The following OR14A16 variants were observed in gnomAD, a reference collection of about 807,000 sequenced individuals.
OR14A16 encodes olfactory receptor family 14 subfamily A member 16, also known as olfactory receptor 14A16.
For synonymous variants in OR14A16, 135 were observed against 137.6 expected, an observed-to-expected ratio of 0.98 and a Z score of 0.13; for missense variants, 341 against 366.5, an observed-to-expected ratio of 0.93 and a Z score of 0.57.
intron 2 of OR14A16, 64 bp downstream of exon 2, chr1:247,818,999 G>GTTAAAAATAAAAAATTT (rs1221201822): frequency 6.6e-6 from 1 of 150,844 alleles, no homozygotes; most frequent in Non-Finnish European, 1.5e-5. Flanking sequence ...ACCCACAAAA[G>GTTAAAAATAAAAAATTT]TTAAAAATAA....
intron 2 of OR14A16, among the ~76,000 whole-genome samples, chr1:247,817,798 T>G (rs1493258): frequency 0.69 from 105,213 of 151,886 alleles, 37,470 homozygotes; most frequent in East Asian, 1. Flanking sequence ...TAATACACTT[T>G]CAGCTTAGTG....
In OR14A16 at chr1:247,816,280, T is replaced by TA. The variant is rs1398961074; in HGVS notation, c.-15-537dup. ...TATTCTACAAAGTCTTTAACCTACT[T>TA]ACTCTCTAAAAAACTTTGTTTGCAG... is the stretch of plus-strand genomic sequence containing the variant. On this transcript the variant is annotated intron_variant, in intron 2 of 2. Transcript: ENST00000641093. 2.6e-5 allele frequency among the ~76,000 whole-genome samples: 4 copies of TA among 152,222 alleles called. No homozygotes were observed. In the South Asian group the frequency reaches 8.3e-4, roughly 32 times the overall value.
rs972149599 is a variant in OR14A16, at chr1:247,821,687, G to A, written c.-131+2266C>T. ...CTTGAAGGCAAGGTATATTATCTAT[G>A]CACCCACTTTATGTCTTTTGATTGG... On this transcript the variant is annotated intron_variant, in intron 1 of 2. Coordinates refer to ENST00000641093, the MANE Select transcript of OR14A16 (RefSeq NM_001001966.2). Among the ~76,000 whole-genome samples, 6 of 146,034 alleles carry A rather than the reference G, an allele frequency of 4.1e-5. 2 individuals carry two copies. Among genetic ancestry groups the A allele is most frequent in the Non-Finnish European group, 9.2e-5 (6 of 65,002 alleles).
rs2103281408 is a variant in OR14A16 at position 247,815,620 on chromosome 1, A to G, written c.110T>C (p.Leu37Pro). The part of the protein sequence containing the change: ...ILFLLIYLCA[L>P]MGNVLIIMIT... ...CATGATAATGAGGACATTCCCCATC[A>G]GGGCACACAAATAAATCAACAAGAA... The change falls in exon 3 of 3, where the codon CTG (leucine) becomes CCG (proline). Residue 37 changes from leucine to proline, a missense_variant. Leu to Pro is a moderately conservative substitution (Grantham distance 98). Coordinates refer to ENST00000641093, the MANE Select transcript of OR14A16 (RefSeq NM_001001966.2). 1 of 1,612,384 alleles carries G rather than the reference A, an allele frequency of 6.2e-7. No homozygotes were observed. Among genetic ancestry groups the G allele is most frequent in the South Asian group, 1.1e-5 (1 of 91,056 alleles).
At chr1:247,821,622 A>G (rs1662742278) in intron 1 of OR14A16, among the ~76,000 whole-genome samples, 1 of 146,950 alleles carries the variant, frequency 6.8e-6, no homozygotes, top group African/African-American at 2.4e-5. Context: ...TCATCCTTAT[A>G]CTTTCAATCT....
intron 1 of OR14A16, among the ~76,000 whole-genome samples, chr1:247,823,180 T>C (rs547036880): frequency 6.6e-6 from 1 of 152,008 alleles, no homozygotes; most frequent in Non-Finnish European, 1.5e-5. Flanking sequence ...AGATCTAGAG[T>C]TGTGTCATAA....
intron 2 of OR14A16, among the ~76,000 whole-genome samples, chr1:247,816,891 G>A (rs539953209): frequency 6.6e-6 from 1 of 151,772 alleles, no homozygotes; most frequent in East Asian, 1.9e-4. Context: ...TAGCCAAGTT[G>A]TACAACGACA....
rs969166430 is a variant in OR14A16 at position 247,814,920 on chromosome 1, T to G, written c.810A>C (p.Val270=). The change falls in exon 3 of 3, where the codon GTA becomes GTC. Residue 270 remains valine, a synonymous_variant. Transcript: ENST00000641093. Reference sequence around the variant, plus strand: ...GCAGCATAGTGTAGAACACAGAAATTACAGCATCCAAAATAGAAGGAGACT... The same window carrying G: ...GCAGCATAGTGTAGAACACAGAAATGACAGCATCCAAAATAGAAGGAGACT... ...ASESPSILDA[V]ISVFYTMLPP... is the part of the protein sequence containing the mutation. The G allele has an allele frequency of 6.2e-7, 1 of 1,613,884 alleles. No homozygotes were observed. Among genetic ancestry groups the G allele is most frequent in the Non-Finnish European group, 8.5e-7 (1 of 1,179,936 alleles).
chr1:247,814,782 G>GA lies in OR14A16; in HGVS notation c.*17dup, dbSNP rs779944479. 5.5e-6 allele frequency: 8 copies of GA among 1,449,934 alleles called. No homozygotes were observed. In the East Asian group the frequency reaches 1.1e-4, roughly 21 times the overall value. The allele number at this position is 1,449,934 out of a possible 1,614,324, so 89.8% of individuals were successfully genotyped here. On this transcript the variant is annotated 3_prime_UTR_variant, in exon 3 of 3. Transcript: ENST00000641093. Reference sequence around the variant, plus strand: ...TTATAAATGGTATCTATTATTGAAAGAAGAAAAGCAACAGCTTTTACTTTT... The same window carrying GA: ...TTATAAATGGTATCTATTATTGAAAGAAAGAAAAGCAACAGCTTTTACTTTT...
chr1:247,818,394 C>T (rs572718594), intron 2 of OR14A16, among the ~76,000 whole-genome samples: 1 of 152,256 alleles, frequency 6.6e-6, no homozygotes, highest in African/African-American at 2.4e-5. Context: ...AGGTATATAA[C>T]TGAATGAAAG....
In OR14A16 at chr1:247,814,793, A is replaced by G. The variant is rs761278649; in HGVS notation, c.*7T>C. The G allele has an allele frequency of 6.6e-7, 1 of 1,511,378 alleles. No individual in the cohort carries two copies. The highest frequency in any genetic ancestry group is 8.9e-7 in the Non-Finnish European group (1 of 1,128,022). The allele number at this position is 1,511,378 out of a possible 1,614,324, so 93.6% of individuals were successfully genotyped here. On this transcript the variant is annotated 3_prime_UTR_variant, in exon 3 of 3. Coordinates refer to ENST00000641093, the MANE Select transcript of OR14A16 (RefSeq NM_001001966.2). ...ATCTATTATTGAAAGAAGAAAAGCAACAGCTTTTACTTTTTGGTGAGCTTT... is the reference window on the plus strand; with the variant it reads ...ATCTATTATTGAAAGAAGAAAAGCAGCAGCTTTTACTTTTTGGTGAGCTTT...
At position 247,815,001 on chromosome 1, in the gene OR14A16, C is replaced by G; in HGVS notation, c.729G>C (p.Leu243Phe). The G allele has an allele frequency of 6.2e-7, 1 of 1,613,926 alleles. No homozygotes were observed. The highest frequency in any genetic ancestry group is 8.5e-7 in the Non-Finnish European group (1 of 1,179,940). ...CAGTGGAAAGAAATAACACAACCAG[C>G]AAGTGTGGAAGGCAAATAGAGTAGG... ...SKAYSICLPH[L>F]LVVLFLSTGF... Residue 243 changes from leucine (L) to phenylalanine (F), a missense_variant, in exon 3 of 3, where the codon TTG becomes TTC. Transcript: ENST00000641093.
In OR14A16 at chr1:247,817,367, A is replaced by T. The variant is rs534162601; in HGVS notation, c.-15-1623T>A. ...TGAACAGTTAAAAATAAATGTTAGG[A>T]TTTATTCCAGAAAAAGAAGTAAAAA... On this transcript the variant is annotated intron_variant, in intron 2 of 2. Coordinates refer to ENST00000641093, the MANE Select transcript of OR14A16 (RefSeq NM_001001966.2). 9.8e-5 allele frequency among the ~76,000 whole-genome samples: 15 copies of T among 152,320 alleles called. 2 individuals carry two copies. The South Asian group carries it at 2.7e-3, about 27-fold the overall frequency.
At position 247,814,914 on chromosome 1, in the gene OR14A16, A is replaced by G. The variant is rs1311633707; in HGVS notation, c.816T>C (p.Ser272=). ...ESPSILDAVI[S]VFYTMLPPTF... ...TTGGGGGCAGCATAGTGTAGAACAC[A>G]GAAATTACAGCATCCAAAATAGAAG... is the stretch of plus-strand genomic sequence containing the variant. The change falls in exon 3 of 3, where the codon TCT becomes TCC. Residue 272 remains serine, a synonymous_variant. Transcript: ENST00000641093. 1.9e-6 allele frequency: 3 copies of G among 1,613,994 alleles called. No homozygotes were observed. Among genetic ancestry groups the G allele is most frequent in the South Asian group, 1.1e-5 (1 of 91,076 alleles).
At chr1:247,817,536 T>C (rs557604780) in intron 2 of OR14A16, among the ~76,000 whole-genome samples, 2 of 152,316 alleles carry the variant, frequency 1.3e-5, no homozygotes, top group Admixed American at 1.3e-4. Context: ...ATATGATTAC[T>C]AAGACAGATG....
Position 247,819,123 on chromosome 1 carries a change from C to A in OR14A16, c.-76G>T, listed in dbSNP as rs1223767496. ...TGTCTTCTGAGGCTTGTTTTCAATG[C>A]TTCTTTATTCATTTATAGAGTGCTT... On this transcript the variant is annotated 5_prime_UTR_variant, in exon 2 of 3. Coordinates refer to ENST00000641093, the MANE Select transcript of OR14A16 (RefSeq NM_001001966.2). 1 of 152,134 alleles carries A rather than the reference C, an allele frequency of 6.6e-6. No individual in the cohort carries two copies. The highest frequency in any genetic ancestry group is 1.5e-5 in the Non-Finnish European group (1 of 68,034). 9.4% of individuals were successfully genotyped at this position (152,134 alleles called of 1,614,324 possible). A position where few individuals can be genotyped will look rare whatever the true frequency, so the allele number is the denominator to read the frequency against.
chr1:247,820,048 C>G (rs1662703623), intron 1 of OR14A16, among the ~76,000 whole-genome samples: 1 of 152,154 alleles, frequency 6.6e-6, no homozygotes, highest in African/African-American at 2.4e-5. Context: ...ATTCTAAACC[C>G]ACTTGCATCT....
intron 1 of OR14A16, among the ~76,000 whole-genome samples, chr1:247,821,562 A>C (rs1194482866): frequency 9.0e-6 from 1 of 111,638 alleles, no homozygotes. Context: ...ATCTTATGTA[A>C]GTATAGCTAC....
chr1:247,815,098 A>C lies in OR14A16; in HGVS notation c.632T>G (p.Val211Gly), dbSNP rs766414907. 3.1e-6 allele frequency: 5 copies of C among 1,613,970 alleles called. No individual in the cohort carries two copies. The East Asian group carries it at 8.9e-5, about 29-fold the overall frequency. Reference protein sequence around the residue: ...NVVLDFCCFIVIIITYVHVFS... With the variant: ...NVVLDFCCFIGIIITYVHVFS... ...GACGTGGACATAGGTAATGATGATGACAATAAAACAGCAGAAATCCAAAAC... is the reference window on the plus strand; with the variant it reads ...GACGTGGACATAGGTAATGATGATGCCAATAAAACAGCAGAAATCCAAAAC... The change falls in exon 3 of 3, where the codon GTC becomes GGC. Residue 211 changes from valine to glycine, a missense_variant. Physicochemically the swap from Val to Gly is moderately radical, Grantham distance 109. Coordinates refer to ENST00000641093, the MANE Select transcript of OR14A16 (RefSeq NM_001001966.2).
Sources: allele counts gnomAD v4.1 joint callset (sites outside exome capture counted in the v4.1 genomes callset), GRCh38; gene constraint gnomAD v4.1.1; transcripts MANE v1.5; gene names NCBI Gene and HGNC (gene_info 2026-07-23, HGNC 2026-07-21).